The following ZNF629 variants were observed in gnomAD, a reference collection of about 807,000 sequenced individuals.
ZNF629 encodes zinc finger protein 629.
A neutral mutation model predicts 59.7 loss-of-function variants in ZNF629; 9 were observed. The ratio of observed to expected loss-of-function variants is 0.15; its 90% CI spans 0.09 to 0.26. The LOEUF is 0.26. Ranked by LOEUF, ZNF629 falls within the 10% of genes least tolerant of loss-of-function variation. ZNF629 has a pLI of 1.00. For missense variants in ZNF629, 853 were observed against 1,165.4 expected (o/e 0.73, Z 3.90); for synonymous variants, 509 against 498.9 (o/e 1.02, Z -0.27).
Position 30,782,630 on chromosome 16 carries a change from G to C in ZNF629, c.1698C>G (p.Ala566=). 1.0e-5 allele frequency: 16 copies of C among 1,571,256 alleles called. No individual in the cohort carries two copies. The highest frequency in any genetic ancestry group is 7.1e-5 in the East Asian group (3 of 42,170). Residue 566 remains alanine, a synonymous_variant, in exon 3 of 3, where the codon GCC becomes GCG. Coordinates refer to ENST00000262525, the MANE Select transcript of ZNF629 (RefSeq NM_001080417.3). The part of the protein sequence containing the change: ...DPSLLTPPPG[A]KPHKCLVCGK... The stretch of plus-strand genomic sequence containing the variant: ...CGCACACGAGACACTTGTGCGGCTT[G>C]GCTCCCGGCGGCGGGGTCAGCAGGG...
chr16:30,782,847 C>T lies in ZNF629; in HGVS notation c.1481G>A (p.Ser494Asn). ...AATAAGGTTGGAGCTCTGGCTGAAGCTCTTGCCGCACTCGGGGCACTTGTA... is the reference window on the plus strand; with the variant it reads ...AATAAGGTTGGAGCTCTGGCTGAAGTTCTTGCCGCACTCGGGGCACTTGTA... ...KPYKCPECGKSFSQSSNLITH... is the reference protein window; with the variant it reads ...KPYKCPECGKNFSQSSNLITH... The change falls in exon 3 of 3, where the codon AGC becomes AAC. Residue 494 changes from serine (S) to asparagine (N), a missense_variant. Physicochemically the swap from Ser to Asn is conservative, Grantham distance 46 (BLOSUM62 1). Around this residue, in one of 3 missense-constraint regions of ZNF629, gnomAD observed 201 missense variants for 536.5 expected, o/e 0.37. Coordinates refer to ENST00000262525, the MANE Select transcript of ZNF629 (RefSeq NM_001080417.3). 6.2e-7 allele frequency: 1 copy of T among 1,614,198 alleles called. No homozygotes were observed. The highest frequency in any genetic ancestry group is 1.1e-5 in the South Asian group (1 of 91,084).
At position 30,782,669 on chromosome 16, in the gene ZNF629, C is replaced by A. The variant is rs1361215665; in HGVS notation, c.1659G>T (p.Gly553=). The change falls in exon 3 of 3, where the codon GGG becomes GGT. Residue 553 remains glycine, a synonymous_variant. Coordinates refer to ENST00000262525, the MANE Select transcript of ZNF629 (RefSeq NM_001080417.3). ...GGGTCAGCAGGGAGGGGTCCCCGAGCCCCAGCAGGCTGTCGCCCTGGGCCC... is the reference window on the plus strand; with the variant it reads ...GGGTCAGCAGGGAGGGGTCCCCGAGACCCAGCAGGCTGTCGCCCTGGGCCC... The part of the protein sequence containing the change: ...ARRAQGDSLL[G]LGDPSLLTPP... 1 of 1,593,064 alleles carries A rather than the reference C, an allele frequency of 6.3e-7. No homozygotes were observed. The highest frequency in any genetic ancestry group is 8.5e-7 in the Non-Finnish European group (1 of 1,170,280).
At position 30,783,263 on chromosome 16, in the gene ZNF629, G is replaced by A. The variant is rs775847699; in HGVS notation, c.1065C>T (p.Phe355=). ...GCTTGATGAGGGTGGAGCTGTGGCCGAAGCTCTTGCCGCACTCTAGGCACT... is the reference window on the plus strand; with the variant it reads ...GCTTGATGAGGGTGGAGCTGTGGCCAAAGCTCTTGCCGCACTCTAGGCACT... ...PYECLECGKS[F]GHSSTLIKHQ... Residue 355 remains phenylalanine, a synonymous_variant, in exon 3 of 3, where the codon TTC becomes TTT. Coordinates refer to ENST00000262525, the MANE Select transcript of ZNF629 (RefSeq NM_001080417.3). 3.2e-5 allele frequency: 52 copies of A among 1,613,846 alleles called. No individual in the cohort carries two copies. The highest frequency in any genetic ancestry group is 7.7e-5 in the South Asian group (7 of 91,074).
At position 30,784,250 on chromosome 16, in the gene ZNF629, G is replaced by C. The variant is rs774461782; in HGVS notation, c.78C>G (p.Ala26=). The C allele has an allele frequency of 5.0e-6, 8 of 1,597,248 alleles. No homozygotes were observed. In the East Asian group the frequency reaches 1.8e-4, roughly 36 times the overall value. ...GGCTCTCCTCTTCGTTTTCACTCTC[G>C]GCACCTACAGAAAGAAAGGGAGTCT... ...EQSPNDAHRG[A]ESENEEESPR... The change falls in exon 3 of 3, where the codon GCC becomes GCG. Residue 26 remains alanine, a synonymous_variant. Coordinates refer to ENST00000262525, the MANE Select transcript of ZNF629 (RefSeq NM_001080417.3).
rs1357331526 is a variant in ZNF629, at chr16:30,786,708, G to T, written c.-34+320C>A. On this transcript the variant is annotated intron_variant, in intron 1 of 2. Transcript: ENST00000262525. This position sits in a 1 kb window ranked among gnomAD's most constrained non-coding sequence, Gnocchi z 4.8. ...ATACAGAGCCTGGGCATCCGCCCCT[G>T]CCCCGGCCCCCGGGGTCCCGGCTCC... Among the ~76,000 whole-genome samples the T allele has an allele frequency of 6.8e-6, 1 of 146,006 alleles. No homozygotes were observed. The highest frequency in any genetic ancestry group is 1.5e-5 in the Non-Finnish European group (1 of 67,268).
In ZNF629 at chr16:30,781,974, C is replaced by T. The variant is rs528325235; in HGVS notation, c.2354G>A (p.Arg785Gln). 21 of 1,554,264 alleles carry T rather than the reference C, an allele frequency of 1.4e-5. No individual in the cohort carries two copies. Among genetic ancestry groups the T allele is most frequent in the African/African-American group, 2.8e-5 (2 of 72,686 alleles). ...ASFLDRVALT[R>Q]HQETHTQEKP... ...TTCCTGGGTGTGGGTTTCTTGGTGC[C>T]GGGTGAGGGCCACGCGGTCGAGGAA... Residue 785 changes from arginine (R) to glutamine (Q), a missense_variant, in exon 3 of 3, where the codon CGG (arginine) becomes CAG (glutamine). Transcript: ENST00000262525.
rs1367844213 is a variant in ZNF629 at position 30,781,914 on chromosome 16, G to A, written c.2414C>T (p.Ala805Val). 24 of 1,538,758 alleles carry A rather than the reference G, an allele frequency of 1.6e-5. No homozygotes were observed. Among genetic ancestry groups the A allele is most frequent in the Non-Finnish European group, 2.1e-5 (24 of 1,142,258 alleles). ...PPNPEDPPPE[A>V]VTLSTDQEGE... is the part of the protein sequence containing the mutation. ...TTCCTGATCTGTGGACAGGGTGACT[G>A]CCTCTGGAGGGGGGTCCTCGGGATT... The change falls in exon 3 of 3, where the codon GCA becomes GTA. Residue 805 changes from alanine to valine, a missense_variant. By Grantham distance (64) the Ala-to-Val change is moderately conservative. Around this residue, in one of 3 missense-constraint regions of ZNF629, gnomAD observed 420 missense variants for 435.6 expected, o/e 0.96. Coordinates refer to ENST00000262525, the MANE Select transcript of ZNF629 (RefSeq NM_001080417.3).
At position 30,782,988 on chromosome 16, in the gene ZNF629, C is replaced by T. The variant is rs750197596; in HGVS notation, c.1340G>A (p.Arg447His). The change falls in exon 3 of 3, where the codon CGC becomes CAC. Residue 447 changes from arginine to histidine, a missense_variant. Physicochemically the swap from Arg to His is conservative, Grantham distance 29 (BLOSUM62 0). Transcript: ENST00000262525. ...KSFIMSSTLI[R>H]HQRIHTGEKP... The stretch of plus-strand genomic sequence containing the variant: ...CTCACCGGTGTGGATGCGCTGGTGG[C>T]GGATAAGGGTGGAGCTCATGATGAA... The T allele has an allele frequency of 6.2e-7, 1 of 1,612,114 alleles. No homozygotes were observed. Among genetic ancestry groups the T allele is most frequent in the Admixed American group, 1.7e-5 (1 of 59,854 alleles).
chr16:30,784,578 C>T, intron 1 of ZNF629, 63 bp from the exon 2 acceptor site: 1 of 1,302,228 alleles, frequency 7.7e-7, no homozygotes, highest in Non-Finnish European at 1.0e-6. Flanking sequence ...CTTTATTCCC[C>T]CTGAACCTCA....
At position 30,786,704 on chromosome 16, in the gene ZNF629, C is replaced by T. The variant is rs553574724; in HGVS notation, c.-34+324G>A. 5.3e-4 allele frequency among the ~76,000 whole-genome samples: 81 copies of T among 152,116 alleles called. No homozygotes were observed. The highest frequency in any genetic ancestry group is 1.9e-3 in the African/African-American group (78 of 41,512). ...GCTGATACAGAGCCTGGGCATCCGC[C>T]CCTGCCCCGGCCCCCGGGGTCCCGG... On this transcript the variant is annotated intron_variant, in intron 1 of 2. Transcript: ENST00000262525. The surrounding 1 kb of genome is among the most constrained non-coding windows in gnomAD (Gnocchi z 4.8).
In ZNF629 at chr16:30,781,601, C is replaced by G. The variant is rs2054281081; in HGVS notation, c.*117G>C. 1.9e-6 allele frequency: 2 copies of G among 1,041,632 alleles called. No homozygotes were observed. 64.5% of individuals were successfully genotyped at this position (1,041,632 alleles called of 1,614,324 possible). On this transcript the variant is annotated 3_prime_UTR_variant, in exon 3 of 3. Coordinates refer to ENST00000262525, the MANE Select transcript of ZNF629 (RefSeq NM_001080417.3). ...ACTATTTTTTCCCAGGGTTCTTTCT[C>G]CTCCACTCCACTACCATCTGATAGG...
At position 30,784,448 on chromosome 16, in the gene ZNF629, A is replaced by C; in HGVS notation, c.35T>G (p.Leu12Arg). 1 of 1,565,040 alleles carries C rather than the reference A, an allele frequency of 6.4e-7. No homozygotes were observed. Among genetic ancestry groups the C allele is most frequent in the Non-Finnish European group, 8.6e-7 (1 of 1,157,378 alleles). The change falls in exon 2 of 3, where the codon CTG becomes CGG. Residue 12 changes from leucine (L) to arginine (R), a missense_variant. Leu to Arg is a moderately radical substitution (Grantham distance 102). This residue lies in a region of ZNF629 where 232 missense variants were observed against 193.4 expected (regional missense o/e 1.20). Transcript: ENST00000262525. Reference protein sequence around the residue: ...EPETALWGPDLQGPEQSPNDA... With the variant: ...EPETALWGPDRQGPEQSPNDA... ...GTTGGGGCTCTGTTCCGGACCCTGC[A>C]GATCCGGGCCCCACAGCGCAGTCTC...
Position 30,784,122 on chromosome 16 carries a change from T to C in ZNF629, c.206A>G (p.Asp69Gly). 1.2e-6 allele frequency: 2 copies of C among 1,608,124 alleles called. No homozygotes were observed. Among genetic ancestry groups the C allele is most frequent in the Non-Finnish European group, 1.7e-6 (2 of 1,178,778 alleles). Residue 69 changes from aspartate (D) to glycine (G), a missense_variant, in exon 3 of 3, where the codon GAC becomes GGC. Transcript: ENST00000262525. ...TGGGGGGTTCTGGGGGACAGAGGGGTCCTGGGAGGATCTCTCCAGGGACAT... is the reference window on the plus strand; with the variant it reads ...TGGGGGGTTCTGGGGGACAGAGGGGCCCTGGGAGGATCTCTCCAGGGACAT... Reference protein sequence around the residue: ...TEMSLERSSQDPSVPQNPPTP... With the variant: ...TEMSLERSSQGPSVPQNPPTP...
At chr16:30,785,891 T>TAAATAAATAAATAAATAAATAAAA (rs1034349260) in intron 1 of ZNF629, among the ~76,000 whole-genome samples, 1 of 150,082 alleles carries the variant, frequency 6.7e-6, no homozygotes, top group African/African-American at 2.4e-5. Flanking sequence ...AATAAATAAA[T>TAAATAAATAAATAAATAAATAAAA]AAAAACAGCC....
Position 30,787,191 on chromosome 16 carries a change from G to A in ZNF629, c.-197C>T, listed in dbSNP as rs1473180178. 2 of 152,858 alleles carry A rather than the reference G, an allele frequency of 1.3e-5. No individual in the cohort carries two copies. Among genetic ancestry groups the A allele is most frequent in the South Asian group, 2.1e-4 (1 of 4,832 alleles). 9.5% of individuals were successfully genotyped at this position (152,858 alleles called of 1,614,324 possible). On this transcript the variant is annotated 5_prime_UTR_variant, in exon 1 of 3. Coordinates refer to ENST00000262525, the MANE Select transcript of ZNF629 (RefSeq NM_001080417.3). ...CCGGGGACCAGTTCAGGGTGACTGG[G>A]ACGGAGCAGGAAGTGACCCCAGCTT...
rs2054283994 is a variant in ZNF629, at chr16:30,781,858, T to A, written c.2470A>T (p.Ser824Cys). 2 of 1,586,882 alleles carry A rather than the reference T, an allele frequency of 1.3e-6. No homozygotes were observed. The highest frequency in any genetic ancestry group is 1.7e-5 in the Admixed American group (1 of 57,252). ...TTTTGCCCTTCCCCATGGCTGCTGC[T>A]CTCTGTGGGGGTAGGGGTCTCGCCC... is the stretch of plus-strand genomic sequence containing the variant. Reference protein sequence around the residue: ...GEGETPTPTESSSHGEGQNPK... With the variant: ...GEGETPTPTECSSHGEGQNPK... Residue 824 changes from serine to cysteine, a missense_variant, in exon 3 of 3, where the codon AGC becomes TGC. Coordinates refer to ENST00000262525, the MANE Select transcript of ZNF629 (RefSeq NM_001080417.3).
In ZNF629 at chr16:30,782,044, G is replaced by A; in HGVS notation, c.2284C>T (p.Pro762Ser). 6.4e-7 allele frequency: 1 copy of A among 1,572,732 alleles called. No homozygotes were observed. ...SSVLLEHLRS[P>S]LGARPYRCSD... Reference sequence around the variant, plus strand: ...CAGCGGTAGGGTCTGGCCCCCAGGGGGCTCCTGAGATGCTCCAGGAGGACG... The same window carrying A: ...CAGCGGTAGGGTCTGGCCCCCAGGGAGCTCCTGAGATGCTCCAGGAGGACG... The change falls in exon 3 of 3, where the codon CCC (proline) becomes TCC (serine). Residue 762 changes from proline to serine, a missense_variant. Physicochemically the swap from Pro to Ser is moderately conservative, Grantham distance 74. Around this residue, in one of 3 missense-constraint regions of ZNF629, gnomAD observed 420 missense variants for 435.6 expected, o/e 0.96. Coordinates refer to ENST00000262525, the MANE Select transcript of ZNF629 (RefSeq NM_001080417.3).
In ZNF629 at chr16:30,783,694, C is replaced by T. The variant is rs1207993578; in HGVS notation, c.634G>A (p.Gly212Ser). 2 of 1,613,170 alleles carry T rather than the reference C, an allele frequency of 1.2e-6. No homozygotes were observed. Among genetic ancestry groups the T allele is most frequent in the Non-Finnish European group, 1.7e-6 (2 of 1,179,640 alleles). The change falls in exon 3 of 3, where the codon GGC becomes AGC. Residue 212 changes from glycine (G) to serine (S), a missense_variant. Coordinates refer to ENST00000262525, the MANE Select transcript of ZNF629 (RefSeq NM_001080417.3). Reference sequence around the variant, plus strand: ...TTGGAGCTCCAGCTGAAGCACTTGCCGCAGTCGGGGCACTTGTAGGGCTTC... The same window carrying T: ...TTGGAGCTCCAGCTGAAGCACTTGCTGCAGTCGGGGCACTTGTAGGGCTTC... ...GEKPYKCPDC[G>S]KCFSWSSNLV...
At position 30,781,476 on chromosome 16, in the gene ZNF629, A is replaced by G. The variant is rs1490898070; in HGVS notation, c.*242T>C. 2 of 343,898 alleles carry G rather than the reference A, an allele frequency of 5.8e-6. No homozygotes were observed. The highest frequency in any genetic ancestry group is 4.6e-5 in the East Asian group (1 of 21,700). The allele number at this position is 343,898 out of a possible 1,614,324, so 21.3% of individuals were successfully genotyped here. On this transcript the variant is annotated 3_prime_UTR_variant, in exon 3 of 3. Transcript: ENST00000262525. ...GACTTAAAGGGCTTTTTTTTTTCCT[A>G]CATATTTATAGGGTTTCTAACCCAA...
Sources: gnomAD v4.1 joint callset for allele counts (sites outside exome capture counted in the v4.1 genomes callset) on GRCh38, gnomAD v4.1.1 for gene constraint, gnomAD v4.1.1 regional missense constraint, Gnocchi (gnomAD v3.1) non-coding constraint, MANE v1.5 for transcripts, NCBI Gene and HGNC (gene_info 2026-07-23, HGNC 2026-07-21) for gene names.